The following CUX1 variants were observed in gnomAD, a reference collection of about 807,000 sequenced individuals.
CUX1 encodes the protein protein CASP.
CUX1 carries 31 observed loss-of-function variants against 158.8 expected under a neutral mutation model. The ratio of observed to expected loss-of-function variants is 0.20; its 90% CI spans 0.15 to 0.26. CUX1 has a LOEUF of 0.26. Ranked by LOEUF, CUX1 falls within the 10% of genes least tolerant of loss-of-function variation. CUX1 has a pLI of 1.00. For missense variants in CUX1, 1,589 were observed against 2,014.6 expected (o/e 0.79, Z 4.04); for synonymous variants, 879 against 862.1 (o/e 1.02, Z -0.34).
At chr7:102,015,219 C>G (rs2129305076) in intron 2 of CUX1, among the ~76,000 whole-genome samples, 1 of 152,202 alleles carries the variant, frequency 6.6e-6, no homozygotes, top group Middle Eastern at 3.4e-3. Flanking sequence ...AAGGAGAGTG[C>G]CTGAGATCTG....
At chr7:102,195,445 G>A (rs1794694081) in intron 13 of CUX1, 62 bp from the exon 14 acceptor site, 2 of 1,388,950 alleles carry the variant, frequency 1.4e-6, no homozygotes, top group Non-Finnish European at 2.0e-6. Context: ...TCCAGGCCTG[G>A]TGGCCCCGGG....
chr7:102,128,341 A>C (rs1832869344), intron 8 of CUX1, among the ~76,000 whole-genome samples: 1 of 152,148 alleles, frequency 6.6e-6, no homozygotes, highest in South Asian at 2.1e-4. Context: ...CTCTGGTCCC[A>C]TCTGTCCCCA....
intron 15 of CUX1, among the ~76,000 whole-genome samples, chr7:102,197,678 C>T (rs1399972183): frequency 6.6e-6 from 1 of 152,044 alleles, no homozygotes; most frequent in African/African-American, 2.4e-5. Flanking sequence ...CCCTTAAGTC[C>T]CCTCCAGCCC....
rs1413416861 is a variant in CUX1, at chr7:102,257,489, A to G, written c.*8447A>G. The G allele has an allele frequency of 1.0e-6, 1 of 985,252 alleles. No homozygotes were observed. Among genetic ancestry groups the G allele is most frequent in the East Asian group, 1.1e-4 (1 of 8,830 alleles). The allele number at this position is 985,252 out of a possible 1,614,324, so 61.0% of individuals were successfully genotyped here. ...CAAAATTCTTAAAACATTGGAGAAT[A>G]GCTTGTTATAAAATAAAAGTGGGGG... On this transcript the variant is annotated 3_prime_UTR_variant, in exon 24 of 24. Transcript: ENST00000292535.
intron 3 of CUX1, among the ~76,000 whole-genome samples, chr7:102,036,539 A>G (rs1821436860): frequency 6.6e-6 from 1 of 151,968 alleles, no homozygotes; most frequent in African/African-American, 2.4e-5. Context: ...CAGGAGTTCC[A>G]TACACCAGCC....
intron 1 of CUX1, among the ~76,000 whole-genome samples, chr7:101,877,708 A>C (rs1799292163): frequency 6.7e-6 from 1 of 149,810 alleles, no homozygotes; most frequent in African/African-American, 2.5e-5. Flanking sequence ...AATAAAAATT[A>C]ACAGTGTTTC....
At position 101,916,002 on chromosome 7, in the gene CUX1, C is replaced by A; in HGVS notation, c.31-113C>A. The A allele has an allele frequency of 1.4e-6, 1 of 735,668 alleles. No homozygotes were observed. The highest frequency in any genetic ancestry group is 1.8e-5 in the Admixed American group (1 of 54,208). 45.6% of individuals were successfully genotyped at this position (735,668 alleles called of 1,614,324 possible). A position where few individuals can be genotyped will look rare whatever the true frequency, so the allele number is the denominator to read the frequency against. On this transcript the variant is annotated intron_variant, in intron 1 of 23. Transcript: ENST00000292535. The surrounding 1 kb of genome is among the most constrained non-coding windows in gnomAD (Gnocchi z 4.4). ...CCTCCTCTGCCAATGAGTTGATGTT[C>A]CTTAGAGCCACTGGGGTCTCTCCCC...
At chr7:101,984,209 A>G (rs1232722247) in intron 2 of CUX1, among the ~76,000 whole-genome samples, 1 of 140,914 alleles carries the variant, frequency 7.1e-6, no homozygotes, top group African/African-American at 2.7e-5. Context: ...GTCAGTGTCC[A>G]TCATGGCTAT....
chr7:102,244,324 C>A (rs1800568756), intron 23 of CUX1, among the ~76,000 whole-genome samples: 1 of 34,414 alleles, frequency 2.9e-5, no homozygotes, highest in Non-Finnish European at 8.5e-5. Context: ...TCAATTTTTG[C>A]CCCCTCAAAA....
chr7:102,247,653 A>G (rs1199092345), intron 23 of CUX1, among the ~76,000 whole-genome samples: 5 of 152,058 alleles, frequency 3.3e-5, no homozygotes, highest in Non-Finnish European at 7.4e-5. Context: ...GCAAGACTCC[A>G]TCTCTTTAAA....
At chr7:102,280,195 G>A in intron 19 of CUX1, 1 of 993,804 alleles carries the variant, frequency 1.0e-6, no homozygotes, top group South Asian at 1.3e-5. Flanking sequence ...CCCATCACTT[G>A]GCCCCTATCC....
intron 16 of CUX1, chr7:102,275,229 CCCT>C: frequency 6.3e-7 from 1 of 1,579,986 alleles, no homozygotes; most frequent in Non-Finnish European, 8.6e-7. Context: ...CCCCAAGCCA[CCCT>C]CCTCTACCTG....
intron 21 of CUX1, among the ~76,000 whole-genome samples, chr7:102,231,329 CTT>C (rs11335871): frequency 7.0e-4 from 104 of 147,968 alleles, no homozygotes; most frequent in Middle Eastern, 6.9e-3. Context: ...TGCGCCCAGC[CTT>C]TTTTTTTTTT....
chr7:102,237,123 T>C (rs1799655953), intron 22 of CUX1, among the ~76,000 whole-genome samples: 1 of 152,258 alleles, frequency 6.6e-6, no homozygotes, highest in African/African-American at 2.4e-5. Flanking sequence ...CCAGCAGCTT[T>C]GACTCCGCTG....
At chr7:102,134,632 C>G (rs1285945710) in intron 8 of CUX1, among the ~76,000 whole-genome samples, 1 of 152,166 alleles carries the variant, frequency 6.6e-6, no homozygotes, top group African/African-American at 2.4e-5. Flanking sequence ...GGATCCAGCT[C>G]TGTTGCCCAG....
chr7:101,989,001 A>AAT (rs1563097893), intron 2 of CUX1, among the ~76,000 whole-genome samples: 2,374 of 146,694 alleles, frequency 0.016, 24 homozygotes, highest in African/African-American at 0.028. Flanking sequence ...CTCAAAAAAA[A>AAT]AATAATAATA....
intron 10 of CUX1, among the ~76,000 whole-genome samples, chr7:102,176,209 G>A (rs1792307492): frequency 6.6e-6 from 1 of 152,234 alleles, no homozygotes; most frequent in South Asian, 2.1e-4. Flanking sequence ...TTCCCCGAGG[G>A]AGATATAAAA....
chr7:102,100,214 G>T (rs1292248697), intron 5 of CUX1, among the ~76,000 whole-genome samples: 1 of 152,134 alleles, frequency 6.6e-6, no homozygotes, highest in Non-Finnish European at 1.5e-5. Flanking sequence ...GGAGGTGGAG[G>T]TTGCAGTGAG....
chr7:101,931,655 T>C (rs1415015543), intron 2 of CUX1, among the ~76,000 whole-genome samples: 2 of 152,142 alleles, frequency 1.3e-5, no homozygotes, highest in East Asian at 3.9e-4. Flanking sequence ...AACCTCTGCC[T>C]TCCGGGCTCA....
Sources: gnomAD v4.1 joint callset for allele counts (sites outside exome capture counted in the v4.1 genomes callset) on GRCh38, gnomAD v4.1.1 for gene constraint, Gnocchi (gnomAD v3.1) non-coding constraint, MANE v1.5 for transcripts, NCBI Gene and HGNC (gene_info 2026-07-23, HGNC 2026-07-21) for gene names.